Variants in ADGRB3 observed in about 807,000 individuals in gnomAD.
ADGRB3 encodes the protein adhesion G protein-coupled receptor B3.
ADGRB3 carries 37 observed loss-of-function variants against 193.4 expected under a neutral mutation model. The ratio of observed to expected loss-of-function variants is 0.19; its 90% confidence interval spans 0.15 to 0.25. ADGRB3 has a LOEUF of 0.25. Ranked by LOEUF, ADGRB3 falls within the 10% of genes least tolerant of loss-of-function variation. ADGRB3 has a pLI of 1.00. For missense variants in ADGRB3, 1,637 were observed against 1,852.9 expected (o/e 0.88, Z 2.14); for synonymous variants, 690 against 644.2 (o/e 1.07, Z -1.08).
intron 19 of ADGRB3, among the ~76,000 whole-genome samples, chr6:69,238,417 A>G (rs1277497008): frequency 3.3e-5 from 5 of 152,098 alleles, no homozygotes; most frequent in African/African-American, 1.2e-4. Flanking sequence ...CTTAACAACT[A>G]TATAACAGAC....
chr6:69,171,266 T>C (rs1775264187), intron 17 of ADGRB3, among the ~76,000 whole-genome samples: 2 of 152,160 alleles, frequency 1.3e-5, no homozygotes, highest in Admixed American at 6.5e-5. Context: ...GCCAGCATAG[T>C]TGTTGAATTT....
At chr6:68,987,892 C>A (rs1396987548) in intron 10 of ADGRB3, among the ~76,000 whole-genome samples, 1 of 152,088 alleles carries the variant, frequency 6.6e-6, no homozygotes, top group Non-Finnish European at 1.5e-5. Flanking sequence ...CTGTAGATGT[C>A]TAAAATTTCT....
chr6:68,940,539 C>CTTTTGA (rs1288423292), intron 5 of ADGRB3, among the ~76,000 whole-genome samples: 21 of 56,480 alleles, frequency 3.7e-4, no homozygotes, highest in Non-Finnish European at 7.4e-4. Context: ...CTAAGGAATG[C>CTTTTGA]TTTTGAACTT....
intron 13 of ADGRB3, among the ~76,000 whole-genome samples, chr6:69,039,811 G>A (rs892036754): frequency 4.2e-5 from 6 of 144,196 alleles, no homozygotes; most frequent in South Asian, 2.1e-4. Flanking sequence ...GTGCAATCTC[G>A]GCTCACTGCA....
intron 13 of ADGRB3, among the ~76,000 whole-genome samples, chr6:69,043,849 G>A (rs1771158006): frequency 6.6e-6 from 1 of 152,174 alleles, no homozygotes; most frequent in African/African-American, 2.4e-5. Context: ...TTTTGAGACT[G>A]ATAGAGGATG....
intron 20 of ADGRB3, among the ~76,000 whole-genome samples, chr6:69,319,646 T>C (rs1768401470): frequency 6.6e-6 from 1 of 151,424 alleles, no homozygotes; most frequent in Non-Finnish European, 1.5e-5. Flanking sequence ...GTGTTCCTTC[T>C]GTATCTTCTT....
intron 24 of ADGRB3, among the ~76,000 whole-genome samples, chr6:69,334,985 C>T (rs1252020124): frequency 6.6e-6 from 1 of 152,124 alleles, no homozygotes; most frequent in Non-Finnish European, 1.5e-5. Flanking sequence ...AGTGGCTGCT[C>T]TTCTGAGAAG....
At chr6:69,307,589 A>G (rs2127299041) in intron 20 of ADGRB3, among the ~76,000 whole-genome samples, 1 of 151,486 alleles carries the variant, frequency 6.6e-6, no homozygotes, top group East Asian at 2.0e-4. Context: ...TCTTGTCTTG[A>G]TTTACCTGTT....
chr6:69,003,441 G>T (rs1296434856), intron 11 of ADGRB3, among the ~76,000 whole-genome samples: 3 of 152,060 alleles, frequency 2.0e-5, no homozygotes, highest in Admixed American at 1.3e-4. Context: ...GCACTGAAGG[G>T]CCATTTTGTA....
chr6:68,741,491 A>G (rs1765981055), intron 3 of ADGRB3, among the ~76,000 whole-genome samples: 1 of 152,208 alleles, frequency 6.6e-6, no homozygotes, highest in East Asian at 1.9e-4. Flanking sequence ...AGCTCAAGCC[A>G]TCCTCCAACC....
intron 10 of ADGRB3, among the ~76,000 whole-genome samples, chr6:68,979,372 T>C (rs1381842629): frequency 6.6e-6 from 1 of 151,444 alleles, no homozygotes; most frequent in African/African-American, 2.4e-5. Flanking sequence ...TGTGTAGTGA[T>C]TGGTGACATC....
intron 13 of ADGRB3, among the ~76,000 whole-genome samples, chr6:69,029,227 C>T (rs1310444798): frequency 6.6e-6 from 1 of 152,168 alleles, no homozygotes; most frequent in Middle Eastern, 3.2e-3. Flanking sequence ...TGACTCCTGA[C>T]CATTTGTTTT....
chr6:69,210,130 A>G (rs930387692), intron 17 of ADGRB3, among the ~76,000 whole-genome samples: 7 of 110,636 alleles, frequency 6.3e-5, no homozygotes, highest in Non-Finnish European at 1.1e-4. Context: ...ACTCATATAT[A>G]TCATATATTA....
chr6:69,181,962 G>T (rs144114926), intron 17 of ADGRB3, among the ~76,000 whole-genome samples: 1 of 152,116 alleles, frequency 6.6e-6, no homozygotes, highest in Non-Finnish European at 1.5e-5. Flanking sequence ...CAAGTAAATT[G>T]TATGACATTC....
intron 17 of ADGRB3, among the ~76,000 whole-genome samples, chr6:69,125,268 A>G (rs1773823111): frequency 6.6e-6 from 1 of 152,140 alleles, no homozygotes; most frequent in Non-Finnish European, 1.5e-5. Flanking sequence ...AGCACATACA[A>G]GGAGCCCTCC....
rs186637492 is a variant in ADGRB3, at chr6:68,889,303, G to A, written c.758-41256G>A. Among the ~76,000 whole-genome samples the A allele has an allele frequency of 2.2e-3, 340 of 152,106 alleles. 1 individual carries two copies. Among genetic ancestry groups the A allele is most frequent in the African/African-American group, 7.9e-3 (329 of 41,494 alleles). ...TGAAGTTATGACTGAAAAAAACAAG[G>A]TAGCATCTTAGAACAATATTGCTTC... On this transcript the variant is annotated intron_variant, in intron 3 of 31. Coordinates refer to ENST00000370598, the MANE Select transcript of ADGRB3 (RefSeq NM_001704.3).
At chr6:68,957,639 C>G (rs1768111344) in intron 8 of ADGRB3, among the ~76,000 whole-genome samples, 1 of 152,108 alleles carries the variant, frequency 6.6e-6, no homozygotes, top group Non-Finnish European at 1.5e-5. Flanking sequence ...CTGTCTGATT[C>G]CTGGGGGTAC....
intron 13 of ADGRB3, among the ~76,000 whole-genome samples, chr6:69,033,456 T>C (rs531194414): frequency 6.6e-6 from 1 of 152,318 alleles, no homozygotes; most frequent in East Asian, 1.9e-4. Flanking sequence ...TTCTCTGAAA[T>C]TTATAAATGA....
chr6:69,098,169 C>T (rs1165703008), intron 17 of ADGRB3, among the ~76,000 whole-genome samples: 1 of 152,174 alleles, frequency 6.6e-6, no homozygotes, highest in Non-Finnish European at 1.5e-5. Context: ...TGGCTTCAAG[C>T]CATGCTCTCT....
Sources: allele counts gnomAD v4.1 joint callset (sites outside exome capture counted in the v4.1 genomes callset), GRCh38; gene constraint gnomAD v4.1.1; transcripts MANE v1.5; gene names NCBI Gene and HGNC (gene_info 2026-07-23, HGNC 2026-07-21).